HDAC9: variants seen among roughly 807,000 people sequenced by gnomAD.
HDAC9 encodes the protein histone deacetylase 9.
A neutral mutation model predicts 139.4 loss-of-function variants in HDAC9; 41 were observed. The observed-to-expected ratio is 0.29, with a 90% CI of 0.23 to 0.38. The LOEUF (loss-of-function observed/expected upper bound fraction) is 0.38. Ranked by LOEUF, HDAC9 falls within the 10% of genes least tolerant of loss-of-function variation. The probability of loss-of-function intolerance (pLI) is 1.00; values close to 1 mark genes in which losing one functional copy is unlikely to be tolerated. For missense variants in HDAC9, 1,147 were observed against 1,297.0 expected (o/e 0.88, Z 1.78); for synonymous variants, 517 against 476.2 (o/e 1.09, Z -1.12).
rs142591605 is a variant in HDAC9, at chr7:18,975,155, C to T, written c.3023-651C>T. On this transcript the variant is annotated intron_variant, in intron 24 of 25. Coordinates refer to ENST00000686413, the MANE Select transcript of HDAC9 (RefSeq NM_178425.4). ...TGACCTTCTATTTTCCTCTCTTTCT[C>T]CTTTCCTGCCTCAAAAAAAGAAACA... is the stretch of plus-strand genomic sequence containing the variant. Among the ~76,000 whole-genome samples the T allele has an allele frequency of 3.7e-3, 565 of 152,288 alleles. 5 individuals carry two copies. Among genetic ancestry groups the T allele is most frequent in the African/African-American group, 0.013 (544 of 41,558 alleles).
At chr7:18,254,573 A>T (rs2128201413) in intron 2 of HDAC9, among the ~76,000 whole-genome samples, 1 of 152,356 alleles carries the variant, frequency 6.6e-6, no homozygotes, top group South Asian at 2.1e-4. Flanking sequence ...AAAGGCTTTC[A>T]GATTTGTAAA....
intron 1 of HDAC9, among the ~76,000 whole-genome samples, chr7:18,150,842 C>T (rs1174302206): frequency 6.6e-6 from 1 of 151,986 alleles, no homozygotes; most frequent in Non-Finnish European, 1.5e-5. Flanking sequence ...CTATTTTTTT[C>T]TTAAGGAAGT....
chr7:18,226,499 G>A (rs545705376), intron 2 of HDAC9, among the ~76,000 whole-genome samples: 37 of 152,286 alleles, frequency 2.4e-4, no homozygotes, highest in African/African-American at 8.9e-4. Flanking sequence ...GGAAGAATAA[G>A]TGTCACGCTA....
intron 24 of HDAC9, among the ~76,000 whole-genome samples, chr7:18,958,683 T>C (rs1783325461): frequency 6.6e-6 from 1 of 152,188 alleles, no homozygotes; most frequent in Non-Finnish European, 1.5e-5. Context: ...GTGTGTTGAA[T>C]GAATGAATCA....
intron 1 of HDAC9, among the ~76,000 whole-genome samples, chr7:18,359,034 C>A (rs1783557973): frequency 1.3e-5 from 2 of 152,206 alleles, no homozygotes; most frequent in Admixed American, 6.5e-5. Context: ...CTGCACTGTT[C>A]ATCACTGCCC....
intron 1 of HDAC9, among the ~76,000 whole-genome samples, chr7:18,421,023 G>A (rs577436606): frequency 1.2e-4 from 19 of 152,290 alleles, no homozygotes; most frequent in African/African-American, 4.6e-4. Context: ...GCCTTACCTT[G>A]TACCTTGATT....
chr7:18,848,662 G>A (rs143891878), intron 21 of HDAC9, among the ~76,000 whole-genome samples: 107 of 152,036 alleles, frequency 7.0e-4, no homozygotes, highest in African/African-American at 2.5e-3. Context: ...CTACTCACCT[G>A]GTGGTATTTC....
chr7:18,313,728 A>G (rs900472601), intron 1 of HDAC9, among the ~76,000 whole-genome samples: 1 of 152,200 alleles, frequency 6.6e-6, no homozygotes, highest in Non-Finnish European at 1.5e-5. Context: ...GAATAATAAC[A>G]TAGCCTTAAT....
intron 1 of HDAC9, among the ~76,000 whole-genome samples, chr7:18,337,027 A>G (rs1488438112): frequency 6.6e-6 from 1 of 151,676 alleles, no homozygotes; most frequent in African/African-American, 2.4e-5. Context: ...ATTTTCTTCA[A>G]TTGAATTATA....
In HDAC9 at chr7:18,254,879, G is replaced by T. The variant is rs190201208; in HGVS notation, c.25+92530G>T. ...TTATGAGTAGCTCTTTTCAACTTCT[G>T]TAAAGAAAAACCATGTCATGAATAA... On this transcript the variant is annotated intron_variant, in intron 2 of 12. Transcript: ENST00000417496. Among the ~76,000 whole-genome samples the T allele has an allele frequency of 7.2e-5, 11 of 152,134 alleles. No individual in the cohort carries two copies. The East Asian group carries it at 2.1e-3, about 29-fold the overall frequency.
intron 1 of HDAC9, among the ~76,000 whole-genome samples, chr7:18,114,279 G>A (rs754104859): frequency 8.5e-5 from 13 of 152,300 alleles, no homozygotes; most frequent in East Asian, 7.7e-4. Flanking sequence ...CATCCTTAGC[G>A]GAATTCTTCT....
intron 22 of HDAC9, among the ~76,000 whole-genome samples, chr7:18,909,686 C>A (rs1345173605): frequency 1.3e-5 from 2 of 151,848 alleles, no homozygotes; most frequent in African/African-American, 4.8e-5. Context: ...AGGTTCATTG[C>A]ATGGATATAT....
intron 25 of HDAC9, among the ~76,000 whole-genome samples, chr7:18,980,362 C>T (rs1312920025): frequency 6.6e-6 from 1 of 152,196 alleles, no homozygotes; most frequent in Non-Finnish European, 1.5e-5. Flanking sequence ...TTTTTCTTCA[C>T]TCCTTCAATC....
intron 2 of HDAC9, among the ~76,000 whole-genome samples, chr7:18,275,564 A>T (rs1796663561): frequency 1.3e-5 from 2 of 152,124 alleles, no homozygotes; most frequent in Admixed American, 6.5e-5. Flanking sequence ...GTCTCACTTC[A>T]TTCTTTTAAC....
At chr7:18,246,265 A>G (rs953570896) in intron 2 of HDAC9, among the ~76,000 whole-genome samples, 2 of 151,172 alleles carry the variant, frequency 1.3e-5, no homozygotes, top group Non-Finnish European at 2.9e-5. Context: ...GGTGGAAGGG[A>G]GTAAAGTGGA....
chr7:18,527,834 G>A (rs1807441377), intron 2 of HDAC9, among the ~76,000 whole-genome samples: 1 of 151,930 alleles, frequency 6.6e-6, no homozygotes, highest in Non-Finnish European at 1.5e-5. Context: ...TAAAGTTCAT[G>A]GAAACTATCT....
upstream of HDAC9, among the ~76,000 whole-genome samples, chr7:18,491,609 G>T (rs1019722868): frequency 6.6e-6 from 1 of 151,958 alleles, no homozygotes; most frequent in Admixed American, 6.6e-5. Context: ...AAGCGCAGAT[G>T]TACAAAATCT....
In HDAC9 at chr7:18,362,584, T is replaced by C. The variant is rs1484357107; in HGVS notation, c.-42+72069T>C. On this transcript the variant is annotated intron_variant, in intron 1 of 3. Transcript: ENST00000413509. Reference sequence around the variant, plus strand: ...AAGTGTACTAGCAGTGATTTCTCTTTAAAAAATAAGCAAAAATTGACCCTG... The same window carrying C: ...AAGTGTACTAGCAGTGATTTCTCTTCAAAAAATAAGCAAAAATTGACCCTG... Among the ~76,000 whole-genome samples the C allele has an allele frequency of 2.6e-5, 4 of 152,158 alleles. No homozygotes were observed. The East Asian group carries it at 7.7e-4, about 29-fold the overall frequency.
chr7:18,960,619 A>C (rs547011660), intron 24 of HDAC9, among the ~76,000 whole-genome samples: 1 of 152,278 alleles, frequency 6.6e-6, no homozygotes, highest in South Asian at 2.1e-4. Context: ...GAATAATCAA[A>C]ATATGTGGTA....
Sources: allele counts gnomAD v4.1 joint callset (sites outside exome capture counted in the v4.1 genomes callset), GRCh38; gene constraint gnomAD v4.1.1; transcripts MANE v1.5; gene names NCBI Gene and HGNC (gene_info 2026-07-23, HGNC 2026-07-21).